BACH2: variants seen among roughly 807,000 people sequenced by gnomAD.
The protein encoded by BACH2 is BACH transcriptional regulator 2, also known as transcription regulator protein BACH2.
In BACH2, 5 loss-of-function variants were observed where a neutral mutation model predicts 61.8. The ratio of observed to expected loss-of-function variants is 0.08; its 90% confidence interval spans 0.04 to 0.17. The LOEUF is 0.17. Ranked by LOEUF, BACH2 falls within the 10% of genes least tolerant of loss-of-function variation. BACH2 has a pLI of 1.00. For missense variants in BACH2, 824 were observed against 1,091.1 expected, an observed-to-expected ratio of 0.76 and a Z score of 3.45; for synonymous variants, 446 against 440.1, an observed-to-expected ratio of 1.01 and a Z score of -0.17.
chr6:90,285,861 A>G (rs1582567543), intron 1 of BACH2, among the ~76,000 whole-genome samples: 1 of 152,264 alleles, frequency 6.6e-6, no homozygotes, highest in East Asian at 1.9e-4. Flanking sequence ...ATGCTAAATT[A>G]CTCTCGTGTA....
Position 90,136,724 on chromosome 6 carries a change from G to GA in BACH2, c.-161-47616dup, listed in dbSNP as rs202179219. Among the ~76,000 whole-genome samples, 824 of 151,594 alleles carry GA rather than the reference G, an allele frequency of 5.4e-3. 9 individuals carry two copies. Among genetic ancestry groups the GA allele is most frequent in the African/African-American group, 0.019 (780 of 41,418 alleles). On this transcript the variant is annotated intron_variant, in intron 4 of 8. Coordinates refer to ENST00000257749, the MANE Select transcript of BACH2 (RefSeq NM_021813.4). ...ATCATAAAATTGCACAGATTAAGAT[G>GA]AAAAAAAGGCAAAAATTAATTCCAC... is the stretch of plus-strand genomic sequence containing the variant.
intron 6 of BACH2, among the ~76,000 whole-genome samples, chr6:89,962,067 C>A (rs766889357): frequency 6.6e-6 from 1 of 152,160 alleles, no homozygotes; most frequent in Non-Finnish European, 1.5e-5. Context: ...GATCCACTTT[C>A]TTCTCTTTGT....
chr6:90,086,046 A>G (rs938247594), intron 5 of BACH2, among the ~76,000 whole-genome samples: 1 of 152,068 alleles, frequency 6.6e-6, no homozygotes, highest in Non-Finnish European at 1.5e-5. Flanking sequence ...TGTAAATCTG[A>G]CAGTTCTAGG....
At chr6:90,076,260 G>T (rs762937787) in intron 5 of BACH2, among the ~76,000 whole-genome samples, 10 of 152,022 alleles carry the variant, frequency 6.6e-5, no homozygotes, top group Non-Finnish European at 1.5e-4. Flanking sequence ...GAGCGAATGA[G>T]GATTAAATCT....
chr6:90,093,896 T>A (rs1782275911), intron 4 of BACH2, among the ~76,000 whole-genome samples: 1 of 152,218 alleles, frequency 6.6e-6, no homozygotes, highest in South Asian at 2.1e-4. Flanking sequence ...GATATGGTAA[T>A]GCTACACTAA....
chr6:90,167,256 C>CCATTT (rs1350732742), intron 4 of BACH2, among the ~76,000 whole-genome samples: 22 of 152,294 alleles, frequency 1.4e-4, no homozygotes, highest in Middle Eastern at 6.8e-3. Flanking sequence ...TTTTAAAAAA[C>CCATTT]TAGTTAGTGA....
chr6:90,278,300 C>T (rs1307102467), intron 1 of BACH2, among the ~76,000 whole-genome samples: 1 of 152,240 alleles, frequency 6.6e-6, no homozygotes, highest in Non-Finnish European at 1.5e-5. Context: ...TCCTACCTGG[C>T]CATGCCCCCT....
In BACH2 at chr6:90,005,206, G is replaced by A. The variant is rs12216256; in HGVS notation, c.243+3396C>T. On this transcript the variant is annotated intron_variant, in intron 6 of 8. Coordinates refer to ENST00000257749, the MANE Select transcript of BACH2 (RefSeq NM_021813.4). ...TTGGCCTAAGGTGGATGGGGAGTTG[G>A]GGGGAGGAGTGGCAGTTTGTGTTCG... is the stretch of plus-strand genomic sequence containing the variant. Among the ~76,000 whole-genome samples, 816 of 152,174 alleles carry A rather than the reference G, an allele frequency of 5.4e-3. 7 individuals are homozygous for A. The highest frequency in any genetic ancestry group is 8.3e-3 in the Non-Finnish European group (563 of 68,006).
chr6:90,258,345 G>C (rs932087121), intron 2 of BACH2, among the ~76,000 whole-genome samples: 2 of 151,896 alleles, frequency 1.3e-5, no homozygotes, highest in Admixed American at 1.3e-4. Context: ...TGTCTTCTTG[G>C]TGCCCTTGTC....
intron 5 of BACH2, among the ~76,000 whole-genome samples, chr6:90,048,850 T>C (rs1259768057): frequency 6.6e-6 from 1 of 152,172 alleles, no homozygotes. Flanking sequence ...CTGAAGGATG[T>C]AAGTTAAATT....
intron 4 of BACH2, among the ~76,000 whole-genome samples, chr6:90,096,904 G>A (rs912988918): frequency 7.9e-5 from 12 of 152,124 alleles, no homozygotes; most frequent in Non-Finnish European, 1.8e-4. Flanking sequence ...AAAATCAATC[G>A]TGCTTACTTC....
Position 90,009,584 on chromosome 6 carries a change from G to A in BACH2, c.-12-728C>T, listed in dbSNP as rs563390281. Among the ~76,000 whole-genome samples, 5 of 152,348 alleles carry A rather than the reference G, an allele frequency of 3.3e-5. No homozygotes were observed. The East Asian group carries it at 9.6e-4, about 29-fold the overall frequency. On this transcript the variant is annotated intron_variant, in intron 5 of 8. Transcript: ENST00000257749. ...GGAAACACAATATATCACAATAGCA[G>A]TCATGAAAAAAGATGCATTCAACAG... is the stretch of plus-strand genomic sequence containing the variant.
intron 5 of BACH2, among the ~76,000 whole-genome samples, chr6:90,044,009 G>T (rs1289406959): frequency 1.3e-5 from 2 of 152,082 alleles, no homozygotes; most frequent in African/African-American, 4.8e-5. Flanking sequence ...CATCAATATT[G>T]ATGGAGTGTC....
At chr6:90,056,636 C>A (rs1159875148) in intron 5 of BACH2, among the ~76,000 whole-genome samples, 1 of 152,142 alleles carries the variant, frequency 6.6e-6, no homozygotes, top group Non-Finnish European at 1.5e-5. Flanking sequence ...TAGACATCTA[C>A]AGAACTCTCC....
At chr6:90,213,301 A>G (rs1582492742) in intron 3 of BACH2, among the ~76,000 whole-genome samples, 1 of 152,306 alleles carries the variant, frequency 6.6e-6, no homozygotes, top group Admixed American at 6.5e-5. Context: ...GACTGTGTAA[A>G]ATAATTTGCT....
At chr6:90,077,798 C>G (rs1006215390) in intron 5 of BACH2, among the ~76,000 whole-genome samples, 1 of 152,158 alleles carries the variant, frequency 6.6e-6, no homozygotes, top group Admixed American at 6.6e-5. Context: ...ACAGTCATAA[C>G]TTCTCTTTAA....
At chr6:90,072,051 T>C (rs1340216841) in intron 5 of BACH2, among the ~76,000 whole-genome samples, 2 of 152,186 alleles carry the variant, frequency 1.3e-5, no homozygotes, top group South Asian at 2.1e-4. Context: ...GTACACTCAG[T>C]GTAACTTCTA....
chr6:90,063,737 GCTGTTGTGAGATTCTAATGC>G (rs1404361547), intron 5 of BACH2, among the ~76,000 whole-genome samples: 1 of 152,092 alleles, frequency 6.6e-6, no homozygotes, highest in Non-Finnish European at 1.5e-5. Flanking sequence ...CTTTCATATG[GCTGTTGTGAGATTCTAATGC>G]CTGGCATATT....
At chr6:89,937,456 G>T (rs1215555764) in intron 8 of BACH2, among the ~76,000 whole-genome samples, 2 of 152,158 alleles carry the variant, frequency 1.3e-5, no homozygotes, top group Non-Finnish European at 2.9e-5. Context: ...TTCATGTGAG[G>T]ATTAAATGGG....
Sources: gnomAD v4.1 joint callset for allele counts (sites outside exome capture counted in the v4.1 genomes callset) on GRCh38, gnomAD v4.1.1 for gene constraint, MANE v1.5 for transcripts, NCBI Gene and HGNC (gene_info 2026-07-23, HGNC 2026-07-21) for gene names.